LRRC37A2: variants seen among roughly 807,000 people sequenced by gnomAD.
The protein encoded by LRRC37A2 is leucine rich repeat containing 37 member A2, also known as leucine-rich repeat-containing protein 37A2.
LRRC37A2 carries 9 observed loss-of-function variants against 68.8 expected under a neutral mutation model. The ratio of observed to expected loss-of-function variants is 0.13; its 90% CI spans 0.08 to 0.23. LRRC37A2 has a LOEUF of 0.23. Among genes scored for constraint, LRRC37A2 ranks in the 10% least tolerant of loss-of-function variants. LRRC37A2 has a pLI of 1.00. For synonymous variants in LRRC37A2, 63 were observed against 367.6 expected (o/e 0.17, Z 9.48); for missense variants, 168 against 950.4 (o/e 0.18, Z 10.82).
the LRRC37A2 span, among the ~76,000 whole-genome samples, chr17:46,613,202 T>C: frequency 3.1e-5 from 1 of 32,662 alleles, no homozygotes; most frequent in Non-Finnish European, 9.2e-5. Context: ...CACTTGAGCC[T>C]GTGAATTTGA....
At chr17:46,906,966 A>G in the LRRC37A2 span, among the ~76,000 whole-genome samples, 1 of 152,226 alleles carries the variant, frequency 6.6e-6, no homozygotes, top group Non-Finnish European at 1.5e-5. Flanking sequence ...AGTCGTCACA[A>G]AAAACTCATA....
chr17:46,762,129 G>A, the LRRC37A2 span, among the ~76,000 whole-genome samples: 2 of 152,224 alleles, frequency 1.3e-5, no homozygotes, highest in African/African-American at 2.4e-5. Flanking sequence ...AGTTGAAAAC[G>A]TGGTGAGGAG....
the LRRC37A2 span, among the ~76,000 whole-genome samples, chr17:46,829,859 G>GCTGAGCTT: frequency 6.6e-6 from 1 of 152,136 alleles, no homozygotes; most frequent in Non-Finnish European, 1.5e-5. Context: ...GCTCCCTGCT[G>GCTGAGCTT]CTGAGCTGTG....
At chr17:46,788,743 G>C in the LRRC37A2 span, among the ~76,000 whole-genome samples, 1 of 147,358 alleles carries the variant, frequency 6.8e-6, no homozygotes, top group Non-Finnish European at 1.5e-5. Context: ...GGCCCTGCGA[G>C]GACCTCCCTG....
At chr17:46,815,269 T>C in the LRRC37A2 span, among the ~76,000 whole-genome samples, 2 of 152,192 alleles carry the variant, frequency 1.3e-5, no homozygotes, top group Non-Finnish European at 2.9e-5. Context: ...TGTTGTTTCC[T>C]GTCCCGGCTC....
the LRRC37A2 span, among the ~76,000 whole-genome samples, chr17:46,858,900 C>T: frequency 6.6e-6 from 1 of 151,474 alleles, no homozygotes; most frequent in Non-Finnish European, 1.5e-5. Context: ...CTCCTGGGCT[C>T]AAGCAATTCT....
chr17:46,625,879 TAAA>T, the LRRC37A2 span, among the ~76,000 whole-genome samples: 3 of 59,034 alleles, frequency 5.1e-5, no homozygotes, highest in African/African-American at 2.2e-4. Flanking sequence ...CCACATGTAT[TAAA>T]AAAAAAAAAA....
chr17:46,407,911 AT>A, the LRRC37A2 span, among the ~76,000 whole-genome samples: 1 of 62,156 alleles, frequency 1.6e-5, no homozygotes, highest in Non-Finnish European at 3.8e-5. Context: ...ATATGGTGAT[AT>A]TAACATTGTT....
the LRRC37A2 span, among the ~76,000 whole-genome samples, chr17:46,858,978 CTT>C: frequency 3.1e-4 from 41 of 134,126 alleles, no homozygotes; most frequent in Admixed American, 3.0e-4. Flanking sequence ...ATAATTTTAG[CTT>C]TTTTTTTTTT....
chr17:46,950,163 C>A, the LRRC37A2 span, among the ~76,000 whole-genome samples: 1 of 152,214 alleles, frequency 6.6e-6, no homozygotes, highest in Admixed American at 6.5e-5. Flanking sequence ...CAGTATTTTT[C>A]AATGTCTCTG....
At chr17:47,023,027 T>C in the LRRC37A2 span, among the ~76,000 whole-genome samples, 2 of 152,276 alleles carry the variant, frequency 1.3e-5, no homozygotes, top group Non-Finnish European at 2.9e-5. Context: ...CAGCAGAATA[T>C]GACAGCATTC....
chr17:46,732,561 T>A, the LRRC37A2 span, among the ~76,000 whole-genome samples: 3 of 152,174 alleles, frequency 2.0e-5, no homozygotes, highest in Non-Finnish European at 4.4e-5. Flanking sequence ...ATTCAGTGGA[T>A]TTGCTTTAAA....
chr17:46,798,752 A>G, the LRRC37A2 span, among the ~76,000 whole-genome samples: 1 of 152,132 alleles, frequency 6.6e-6, no homozygotes, highest in East Asian at 1.9e-4. Context: ...TGGAACCCCC[A>G]TAAAAATCCC....
chr17:46,935,145 G>C, the LRRC37A2 span: 9 of 1,614,022 alleles, frequency 5.6e-6, no homozygotes, highest in Non-Finnish European at 7.6e-6. Flanking sequence ...TAGATGGACT[G>C]AGGACCCAGA....
At chr17:46,902,086 G>A in the LRRC37A2 span, among the ~76,000 whole-genome samples, 1 of 152,206 alleles carries the variant, frequency 6.6e-6, no homozygotes, top group African/African-American at 2.4e-5. Flanking sequence ...GGGATTACAG[G>A]TATGAGCCAC....
At chr17:46,599,503 CAT>C in the LRRC37A2 span, among the ~76,000 whole-genome samples, 230 of 118,168 alleles carry the variant, frequency 1.9e-3, 31 homozygotes, top group Non-Finnish European at 2.6e-3. Flanking sequence ...CAGTGAATAA[CAT>C]ATATCCATGT....
chr17:46,946,297 A>G, the LRRC37A2 span, among the ~76,000 whole-genome samples: 32 of 148,030 alleles, frequency 2.2e-4, no homozygotes, highest in African/African-American at 7.6e-4. Context: ...AAAAAAAAAA[A>G]AAAAAGAAAA....
the LRRC37A2 span, among the ~76,000 whole-genome samples, chr17:46,907,990 A>C: frequency 2.0e-5 from 3 of 152,142 alleles, no homozygotes. Flanking sequence ...CAGTCTCGGC[A>C]CTGTGGGAGA....
the LRRC37A2 span, among the ~76,000 whole-genome samples, chr17:47,022,593 T>TC: frequency 1.1e-3 from 164 of 152,326 alleles, no homozygotes; most frequent in African/African-American, 3.8e-3. Context: ...TCCAGACTTT[T>TC]CCCCATTTAC....
Sources: allele counts gnomAD v4.1 joint callset (sites outside exome capture counted in the v4.1 genomes callset), GRCh38; gene constraint gnomAD v4.1.1; transcripts MANE v1.5; gene names NCBI Gene and HGNC (gene_info 2026-07-23, HGNC 2026-07-21).